Variants in MAN2C1 observed in about 807,000 individuals in gnomAD.
The protein encoded by MAN2C1 is alpha-mannosidase 2C1.
A neutral mutation model predicts 126.9 loss-of-function variants in MAN2C1; 111 were observed. The ratio of observed to expected loss-of-function variants is 0.87; its 90% CI spans 0.75 to 1.02. The LOEUF (loss-of-function observed/expected upper bound fraction) is 1.02. MAN2C1 is among the 50% of genes least tolerant of loss of function. The probability of loss-of-function intolerance (pLI) is 0.00; values close to 1 mark genes in which losing one functional copy is unlikely to be tolerated. For missense variants in MAN2C1, 1,363 were observed against 1,364.4 expected (o/e 1.00, Z 0.02); for synonymous variants, 567 against 561.5 (o/e 1.01, Z -0.14).
In MAN2C1 at chr15:75,361,240, C is replaced by G. The variant is rs2072461861; in HGVS notation, c.1314+46G>C. 6.3e-7 allele frequency: 1 copy of G among 1,591,200 alleles called. No individual in the cohort carries two copies. ...CATGGATCAGCCTGGAACAAGCCAG[C>G]CCTCTCCAGCCTGCCCCTACCCCAC... On this transcript the variant is annotated intron_variant, in intron 11 of 25. Transcript: ENST00000267978. This position sits in a 1 kb window ranked among gnomAD's most constrained non-coding sequence, Gnocchi z 5.0.
rs2072468593 is a variant in MAN2C1, at chr15:75,361,502, G to A, written c.1218+102C>T. 3 of 1,261,332 alleles carry A rather than the reference G, an allele frequency of 2.4e-6. No homozygotes were observed. The highest frequency in any genetic ancestry group is 3.5e-6 in the Non-Finnish European group (3 of 862,290). The allele number at this position is 1,261,332 out of a possible 1,614,324, so 78.1% of individuals were successfully genotyped here. On this transcript the variant is annotated intron_variant, in intron 10 of 25. Coordinates refer to ENST00000267978, the MANE Select transcript of MAN2C1 (RefSeq NM_006715.4). The surrounding 1 kb of genome is among the most constrained non-coding windows in gnomAD (Gnocchi z 5.0). The stretch of plus-strand genomic sequence containing the variant: ...GTGACCCTGGCAGAGGCAGAGTGAG[G>A]GTTTGGTGGTCTGTCTAGGACCCCA...
chr15:75,366,289 TG>T (rs1416472683), intron 4 of MAN2C1, among the ~76,000 whole-genome samples: 1 of 152,264 alleles, frequency 6.6e-6, no homozygotes, highest in African/African-American at 2.4e-5. Context: ...CTCATCCTCC[TG>T]GGCTCAGGTG....
rs370122057 is a variant in MAN2C1 at position 75,358,177 on chromosome 15, C to T, written c.2547+24G>A. The T allele has an allele frequency of 4.3e-6, 7 of 1,613,502 alleles. No homozygotes were observed. The African/African-American group carries it at 8.0e-5, about 18-fold the overall frequency. ...CCCCAGCCAGGGAGGAGTCCAAGGC[C>T]ACTCCCACCCTGCCATGTCAGACCT... is the stretch of plus-strand genomic sequence containing the variant. On this transcript the variant is annotated intron_variant, in intron 21 of 25. Transcript: ENST00000267978.
chr15:75,362,287 C>A lies in MAN2C1; in HGVS notation c.1008+56G>T. 1 of 1,513,636 alleles carries A rather than the reference C, an allele frequency of 6.6e-7. No homozygotes were observed. Among genetic ancestry groups the A allele is most frequent in the South Asian group, 1.1e-5 (1 of 88,410 alleles). 93.8% of individuals were successfully genotyped at this position (1,513,636 alleles called of 1,614,324 possible). On this transcript the variant is annotated intron_variant, in intron 8 of 25. Coordinates refer to ENST00000267978, the MANE Select transcript of MAN2C1 (RefSeq NM_006715.4). This position sits in a 1 kb window ranked among gnomAD's most constrained non-coding sequence, Gnocchi z 4.5. ...AGCAAAGCCGGGAGGGCGGGGCTAC[C>A]TGAGGGAAGGCTGTTGTCATACAGT...
chr15:75,368,186 G>A lies in MAN2C1; in HGVS notation c.114C>T (p.Ala38=), dbSNP rs780897035. 12 of 1,604,210 alleles carry A rather than the reference G, an allele frequency of 7.5e-6. No homozygotes were observed. In the South Asian group the frequency reaches 1.3e-4, roughly 18 times the overall value. Residue 38 remains alanine (A), a synonymous_variant, in exon 2 of 26, where the codon GCC becomes GCT. Transcript: ENST00000267978. ...DCNLRGRLFG[A]SCPVAVLSSF... ...TGGAGAGCACAGCCACAGGGCAGCT[G>A]GCCCCAAAAAGCCTGCGTGGGACGG...
chr15:75,363,377 G>A, intron 6 of MAN2C1: 1 of 453,732 alleles, frequency 2.2e-6, no homozygotes, highest in Non-Finnish European at 4.4e-6. Context: ...CCCAGCTGGA[G>A]TAAGTACCTC....
intron 3 of MAN2C1, 84 bp downstream of exon 3, chr15:75,367,427 T>C: frequency 6.6e-7 from 1 of 1,526,126 alleles, no homozygotes; most frequent in Non-Finnish European, 8.9e-7. Context: ...CAGCTGTGGC[T>C]TCTCCAGAGT....
Position 75,356,788 on chromosome 15 carries a change from C to T in MAN2C1, c.2657+5G>A. On this transcript the variant is annotated splice_donor_5th_base_variant and intron_variant, in intron 22 of 25. Coordinates refer to ENST00000267978, the MANE Select transcript of MAN2C1 (RefSeq NM_006715.4). This position sits in a 1 kb window ranked among gnomAD's most constrained non-coding sequence, Gnocchi z 5.8. ...GCTCCCAGGCCTGGTGGGTACCCCA[C>T]TTACAGCGAGAGGCTGAGGATGCTG... The T allele has an allele frequency of 6.2e-7, 1 of 1,614,026 alleles. No homozygotes were observed. Among genetic ancestry groups the T allele is most frequent in the African/African-American group, 1.3e-5 (1 of 75,074 alleles).
chr15:75,367,750 T>C (rs2072606626), intron 2 of MAN2C1, 116 bp from the exon 3 acceptor site: 8 of 1,340,244 alleles, frequency 6.0e-6, no homozygotes, highest in Non-Finnish European at 8.2e-6. Context: ...TGTCACAAGG[T>C]ACTCAGCTTT....
Position 75,358,264 on chromosome 15 carries a change from G to T in MAN2C1, c.2484C>A (p.Ile828=), listed in dbSNP as rs772670093. 2.5e-6 allele frequency: 4 copies of T among 1,614,056 alleles called. No homozygotes were observed. In the East Asian group the frequency reaches 8.9e-5, roughly 36 times the overall value. ...RVRSSQATYE[I]QFGHLQRPTH... ...TAGGTCGCTGCAGGTGCCCAAACTG[G>T]ATCTCATAGGTGGCCTGGGAACTCC... Residue 828 remains isoleucine, a synonymous_variant, in exon 21 of 26, where the codon ATC becomes ATA. Coordinates refer to ENST00000267978, the MANE Select transcript of MAN2C1 (RefSeq NM_006715.4).
At position 75,368,591 on chromosome 15, in the gene MAN2C1, C is replaced by T. The variant is rs758013314; in HGVS notation, c.-8G>A. 2.0e-6 allele frequency: 3 copies of T among 1,535,258 alleles called. No individual in the cohort carries two copies. Among genetic ancestry groups the T allele is most frequent in the Non-Finnish European group, 2.6e-6 (3 of 1,140,214 alleles). On this transcript the variant is annotated 5_prime_UTR_variant, in exon 1 of 26. Coordinates refer to ENST00000267978, the MANE Select transcript of MAN2C1 (RefSeq NM_006715.4). ...GGCCGGCGCAGCCGCCATCGCCGGGCTCTCGCTCCTCTTTCCGGAAGGCCC... is the reference window on the plus strand; with the variant it reads ...GGCCGGCGCAGCCGCCATCGCCGGGTTCTCGCTCCTCTTTCCGGAAGGCCC...
rs544269219 is a variant in MAN2C1, at chr15:75,366,707, T to C, written c.352-115A>G. ...CTGGTTCCCAGCTCTGGGTCCTCTC[T>C]CCCAAGCAGGGCCAAGATTGGCAAA... On this transcript the variant is annotated intron_variant, in intron 3 of 25. Coordinates refer to ENST00000267978, the MANE Select transcript of MAN2C1 (RefSeq NM_006715.4). 26 of 707,188 alleles carry C rather than the reference T, an allele frequency of 3.7e-5. No homozygotes were observed. In the Admixed American group the frequency reaches 8.1e-4, roughly 22 times the overall value. The allele number at this position is 707,188 out of a possible 1,614,324, so 43.8% of individuals were successfully genotyped here. A position where few individuals can be genotyped will look rare whatever the true frequency, so the allele number is the denominator to read the frequency against.
chr15:75,368,106 C>T lies in MAN2C1; in HGVS notation c.194G>A (p.Arg65His). 1 of 1,607,416 alleles carries T rather than the reference C, an allele frequency of 6.2e-7. No individual in the cohort carries two copies. The highest frequency in any genetic ancestry group is 8.5e-7 in the Non-Finnish European group (1 of 1,177,822). Residue 65 changes from arginine (R) to histidine (H), a missense_variant, in exon 2 of 26, where the codon CGC becomes CAC. Arg to His is a conservative substitution (Grantham distance 29). Coordinates refer to ENST00000267978, the MANE Select transcript of MAN2C1 (RefSeq NM_006715.4). ...PYQEAVQRDF[R>H]PAQVGDSFGP... ...GAAGCTGTCGCCGACCTGCGCGGGG[C>T]GGAAGTCCCGCTGGACTGCCTCCTG...
In MAN2C1 at chr15:75,361,589, C is replaced by T. The variant is rs375704400; in HGVS notation, c.1218+15G>A. On this transcript the variant is annotated intron_variant, in intron 10 of 25. Transcript: ENST00000267978. This position sits in a 1 kb window ranked among gnomAD's most constrained non-coding sequence, Gnocchi z 5.0. ...GAGGCCCACTCTGACCCTGACCCCC[C>T]GGGGGCCTGCTTACTGGGAAGGAGT... 39 of 1,601,198 alleles carry T rather than the reference C, an allele frequency of 2.4e-5. No homozygotes were observed. The highest frequency in any genetic ancestry group is 1.7e-4 in the Middle Eastern group (1 of 6,046).
chr15:75,356,354 A>T lies in MAN2C1; in HGVS notation c.2833T>A (p.Trp945Arg). The change falls in exon 24 of 26, where the codon TGG becomes AGG. Residue 945 changes from tryptophan (W) to arginine (R), a missense_variant. Trp to Arg is a moderately radical substitution (Grantham distance 101). Around this residue, in one of 3 missense-constraint regions of MAN2C1, gnomAD observed 668 missense variants for 650.1 expected, o/e 1.03. Transcript: ENST00000267978. This position sits in a 1 kb window ranked among gnomAD's most constrained non-coding sequence, Gnocchi z 5.8. ...GGTGAAGACACGGAAAACGCACTCC[A>T]GGAGGTGGCGGGCGCTGGGCTGGGG... ...PAPSPAPATSWSAFSVSSPAV... is the reference protein window; with the variant it reads ...PAPSPAPATSRSAFSVSSPAV... 6.2e-7 allele frequency: 1 copy of T among 1,612,274 alleles called. No homozygotes were observed. The highest frequency in any genetic ancestry group is 8.5e-7 in the Non-Finnish European group (1 of 1,179,446).
intron 6 of MAN2C1, chr15:75,363,331 C>A (rs1451329270): frequency 2.2e-6 from 1 of 456,072 alleles, no homozygotes; most frequent in Admixed American, 2.3e-5. Context: ...TCAGACACTG[C>A]AAACTTGTCC....
At chr15:75,358,681 C>CCCACATGCTGCCCAACCCATA in intron 19 of MAN2C1, 23 bp downstream of exon 19, 1 of 1,603,640 alleles carries the variant, frequency 6.2e-7, no homozygotes, top group Non-Finnish European at 8.5e-7. Context: ...CTCCACCATC[C>CCCACATGCTGCCCAACCCATA]CCACATGCTG....
chr15:75,359,982 A>G lies in MAN2C1; in HGVS notation c.1713T>C (p.Leu571=), dbSNP rs1268516748. Residue 571 remains leucine, a synonymous_variant, in exon 15 of 26, where the codon CTT becomes CTC. Coordinates refer to ENST00000267978, the MANE Select transcript of MAN2C1 (RefSeq NM_006715.4). ...CCACATCATGGAACTGGTTCAGAAG[A>G]AGGAGCCTGCAGGGGCCAAGGGCAG... ...AAQLQHLWRL[L]LLNQFHDVVT... The G allele has an allele frequency of 4.3e-6, 7 of 1,613,882 alleles. No homozygotes were observed. Among genetic ancestry groups the G allele is most frequent in the South Asian group, 1.1e-5 (1 of 91,072 alleles).
intron 6 of MAN2C1, 197 bp downstream of exon 6, chr15:75,363,802 G>A (rs1237595006): frequency 2.5e-5 from 15 of 590,396 alleles, no homozygotes; most frequent in East Asian, 6.1e-5. Context: ...GTGAGACTCC[G>A]TCTCAAAAAA....
Sources: gnomAD v4.1 joint callset for allele counts (sites outside exome capture counted in the v4.1 genomes callset) on GRCh38, gnomAD v4.1.1 for gene constraint, gnomAD v4.1.1 regional missense constraint, Gnocchi (gnomAD v3.1) non-coding constraint, MANE v1.5 for transcripts, NCBI Gene and HGNC (gene_info 2026-07-23, HGNC 2026-07-21) for gene names.